Variants in EDRF1 observed in about 807,000 individuals in gnomAD.
EDRF1 encodes the protein erythroid differentiation regulatory factor 1, also known as erythroid differentiation-related factor 1.
In EDRF1, 69 loss-of-function variants were observed where a neutral mutation model predicts 148.7. The ratio of observed to expected loss-of-function variants is 0.46; its 90% confidence interval spans 0.38 to 0.57. The LOEUF (loss-of-function observed/expected upper bound fraction) is 0.57, where lower values mean the gene tolerates loss of function less well. Ranked by LOEUF, EDRF1 falls within the 20% of genes least tolerant of loss-of-function variation. EDRF1 has a pLI of 0.00. For missense variants in EDRF1, 1,118 were observed against 1,478.7 expected, an observed-to-expected ratio of 0.76 and a Z score of 4.00; for synonymous variants, 515 against 532.8, an observed-to-expected ratio of 0.97 and a Z score of 0.46.
intron 17 of EDRF1, chr10:125,741,727 T>C (rs1462633118): frequency 5.8e-6 from 1 of 173,544 alleles, no homozygotes; most frequent in African/African-American, 2.4e-5. Context: ...ACAGTCTCGC[T>C]CTGCCACACA....
chr10:125,753,874 T>C (rs2133757637), intron 24 of EDRF1, 29 bp downstream of exon 24: 1 of 1,608,962 alleles, frequency 6.2e-7, no homozygotes, highest in East Asian at 2.2e-5. Context: ...TGTAGGAATT[T>C]CTTTCCTAGC....
At chr10:125,743,906 G>C (rs1849174373) in intron 18 of EDRF1, among the ~76,000 whole-genome samples, 2 of 152,132 alleles carry the variant, frequency 1.3e-5, no homozygotes, top group Admixed American at 1.3e-4. Context: ...GATGTGGGAT[G>C]GCGTAGTAAG....
rs142719063 is a variant in EDRF1, at chr10:125,760,587, G to A, written c.3546-2714G>A. ...AACAAAAATATTAATTACTAAGTCA[G>A]TGACTATTTCATTTTTCACTGATGT... On this transcript the variant is annotated intron_variant, in intron 24 of 24. Coordinates refer to ENST00000356792, the MANE Select transcript of EDRF1 (RefSeq NM_001202438.2). Among the ~76,000 whole-genome samples the A allele has an allele frequency of 4.2e-3, 642 of 152,284 alleles. 2 individuals are homozygous for A. Among genetic ancestry groups the A allele is most frequent in the Middle Eastern group, 0.031 (9 of 294 alleles).
chr10:125,743,301 C>G (rs767508211), intron 18 of EDRF1, 25 bp downstream of exon 18: 2 of 1,583,278 alleles, frequency 1.3e-6, no homozygotes, highest in Admixed American at 1.7e-5. Context: ...AGATTCCTCT[C>G]TATTGCTTGT....
chr10:125,737,266 G>A (rs1007038308), intron 13 of EDRF1, among the ~76,000 whole-genome samples: 6 of 152,260 alleles, frequency 3.9e-5, no homozygotes, highest in Non-Finnish European at 8.8e-5. Context: ...TTTCTGTTCC[G>A]TATCTGAAGC....
chr10:125,742,088 T>C (rs547272927), intron 17 of EDRF1: 1 of 540,230 alleles, frequency 1.9e-6, no homozygotes, highest in African/African-American at 1.9e-5. Flanking sequence ...TTGAAAGGTA[T>C]AACAGTTGGT....
At chr10:125,742,921 T>G (rs1052765460) in intron 17 of EDRF1, 137 bp from the exon 18 acceptor site, 18 of 1,377,290 alleles carry the variant, frequency 1.3e-5, no homozygotes, top group Middle Eastern at 5.1e-4. Context: ...TAAATATTGT[T>G]GTATTGATTG....
chr10:125,735,598 T>A (rs1389230799), intron 12 of EDRF1, 46 bp from the exon 13 acceptor site: 2 of 1,590,406 alleles, frequency 1.3e-6, no homozygotes, highest in African/African-American at 2.7e-5. Context: ...AATTCATGTA[T>A]TTTTTGATGA....
intron 3 of EDRF1, 65 bp downstream of exon 3, chr10:125,723,199 C>G: frequency 7.4e-7 from 1 of 1,358,076 alleles, no homozygotes; most frequent in Non-Finnish European, 1.1e-6. Flanking sequence ...TTATATCATG[C>G]TGTGTTTTGC....
At chr10:125,746,683 G>C (rs1849371953) in intron 19 of EDRF1, 1 of 152,404 alleles carries the variant, frequency 6.6e-6, no homozygotes, top group Non-Finnish European at 1.5e-5. Flanking sequence ...CTGGATTCAA[G>C]TGATTCTCAT....
At chr10:125,750,206 A>G (rs560887261) in intron 22 of EDRF1, among the ~76,000 whole-genome samples, 97 of 152,334 alleles carry the variant, frequency 6.4e-4, no homozygotes, top group African/African-American at 2.2e-3. Context: ...TGGAGAGGCA[A>G]CAGTAAAGGA....
intron 17 of EDRF1, chr10:125,742,472 G>A: frequency 2.0e-6 from 2 of 1,024,590 alleles, no homozygotes; most frequent in Non-Finnish European, 2.3e-6. Flanking sequence ...GGGGGAGAGG[G>A]AAAAATGTGT....
intron 2 of EDRF1, 146 bp from the exon 3 acceptor site, chr10:125,722,922 A>G: frequency 1.3e-6 from 1 of 777,394 alleles, no homozygotes; most frequent in Non-Finnish European, 2.3e-6. Flanking sequence ...GCCAACTGTG[A>G]TGGTGATACA....
chr10:125,748,075 G>GT (rs752800973), intron 21 of EDRF1, 63 bp downstream of exon 21: 181 of 1,590,646 alleles, frequency 1.1e-4, no homozygotes, highest in African/African-American at 2.7e-4. Flanking sequence ...GGTGCTTTTT[G>GT]TTTTTTTAAC....
At chr10:125,742,999 G>C in intron 17 of EDRF1, 59 bp from the exon 18 acceptor site, 2 of 1,593,330 alleles carry the variant, frequency 1.3e-6, no homozygotes, top group Non-Finnish European at 8.6e-7. Context: ...GGTTCATTTG[G>C]ATACTGAGGA....
At chr10:125,758,848 C>T (rs1198224784) in intron 24 of EDRF1, among the ~76,000 whole-genome samples, 2 of 152,126 alleles carry the variant, frequency 1.3e-5, no homozygotes, top group African/African-American at 2.4e-5. Flanking sequence ...CAGGCAGACA[C>T]TCGTGTCCCT....
At chr10:125,748,222 C>T (rs1009609231) in intron 21 of EDRF1, 9 of 623,742 alleles carry the variant, frequency 1.4e-5, no homozygotes, top group Middle Eastern at 4.4e-4. Flanking sequence ...CATGGGAAAA[C>T]GAATCCGCTG....
chr10:125,742,588 A>G, intron 17 of EDRF1: 1 of 985,394 alleles, frequency 1.0e-6, no homozygotes. Flanking sequence ...TACTCCCATC[A>G]TAGCAATTTC....
chr10:125,731,029 C>T (rs1009131766), intron 9 of EDRF1, among the ~76,000 whole-genome samples: 3 of 152,106 alleles, frequency 2.0e-5, no homozygotes, highest in Non-Finnish European at 4.4e-5. Context: ...TGTCTGTAGT[C>T]CCAGCTACTT....
Sources: gnomAD v4.1 joint callset for allele counts (sites outside exome capture counted in the v4.1 genomes callset) on GRCh38, gnomAD v4.1.1 for gene constraint, MANE v1.5 for transcripts, NCBI Gene and HGNC (gene_info 2026-07-23, HGNC 2026-07-21) for gene names.